PPP1R1C: variants seen among roughly 807,000 people sequenced by gnomAD.
The protein encoded by PPP1R1C is protein phosphatase 1 regulatory inhibitor subunit 1C.
In PPP1R1C, 15 loss-of-function variants were observed where a neutral mutation model predicts 17.4. That is an observed-to-expected ratio of 0.86 (90% confidence interval 0.58 to 1.33). PPP1R1C has a LOEUF of 1.33. PPP1R1C is among the 40% of genes most tolerant of loss of function. PPP1R1C has a pLI of 0.00. For missense variants in PPP1R1C, 143 were observed against 130.0 expected (o/e 1.10, Z -0.48); for synonymous variants, 35 against 43.1 (o/e 0.81, Z 0.73).
Position 182,079,429 on chromosome 2 carries a change from T to C in PPP1R1C, c.241+15638T>C, listed in dbSNP as rs138952636. 6.3e-3 allele frequency among the ~76,000 whole-genome samples: 956 copies of C among 152,324 alleles called. 9 individuals carry two copies. Among genetic ancestry groups the C allele is most frequent in the Non-Finnish European group, 6.1e-3 (415 of 68,024 alleles). ...CCCTATACACAGGTTAGGTCATTCT[T>C]TATTATCAGGTAATAAAAAATAATA... On this transcript the variant is annotated intron_variant, in intron 4 of 4. Coordinates refer to ENST00000682840, the MANE Select transcript of PPP1R1C (RefSeq NM_001080545.3).
intron 2 of PPP1R1C, among the ~76,000 whole-genome samples, chr2:181,989,918 A>G (rs1280449151): frequency 6.6e-6 from 1 of 152,170 alleles, no homozygotes; most frequent in Non-Finnish European, 1.5e-5. Context: ...GAGATTTTGG[A>G]CTAGTGATGG....
chr2:182,035,089 G>A (rs575265108), intron 2 of PPP1R1C, among the ~76,000 whole-genome samples: 1 of 152,216 alleles, frequency 6.6e-6, no homozygotes, highest in South Asian at 2.1e-4. Context: ...GGAATGGGAA[G>A]TGACTGTATG....
At chr2:182,033,669 C>T (rs896433884) in intron 2 of PPP1R1C, among the ~76,000 whole-genome samples, 3 of 152,186 alleles carry the variant, frequency 2.0e-5, no homozygotes, top group African/African-American at 2.4e-5. Context: ...CCAACTTTGC[C>T]GTTACCCTTC....
At chr2:182,126,766 C>T (rs1299055870) in intron 5 of PPP1R1C, among the ~76,000 whole-genome samples, 1 of 151,952 alleles carries the variant, frequency 6.6e-6, no homozygotes, top group Non-Finnish European at 1.5e-5. Context: ...GCCACTTCCC[C>T]TACTGAATAT....
chr2:182,063,941 T>C (rs765907881), intron 4 of PPP1R1C, 150 bp downstream of exon 4: 2 of 560,768 alleles, frequency 3.6e-6, no homozygotes, highest in Non-Finnish European at 3.2e-6. Flanking sequence ...ATATCTTATC[T>C]ACTTAAAACT....
rs755591243 is a variant in PPP1R1C at position 181,957,249 on chromosome 2, A to G, written n.111+2615A>G. Among the ~76,000 whole-genome samples the G allele has an allele frequency of 6.6e-6, 1 of 152,184 alleles. No homozygotes were observed. Among genetic ancestry groups the G allele is most frequent in the Non-Finnish European group, 1.5e-5 (1 of 68,038 alleles). ...GTAGTGCACCCCTGTAATCCCAGCT[A>G]TTCAGGAGGCTGAGGCAGAATTGCT... On this transcript the variant is annotated intron_variant and non_coding_transcript_variant, in intron 1 of 5. Coordinates refer to the PPP1R1C transcript ENST00000464264. The surrounding 1 kb of genome is among the most constrained non-coding windows in gnomAD (Gnocchi z 4.2).
intron 2 of PPP1R1C, among the ~76,000 whole-genome samples, chr2:181,975,774 A>G (rs2125135201): frequency 6.6e-6 from 1 of 152,166 alleles, no homozygotes; most frequent in South Asian, 2.1e-4. Flanking sequence ...CTGTGTACCT[A>G]TAATATTGCT....
chr2:182,002,250 T>G (rs1685788457), intron 2 of PPP1R1C, among the ~76,000 whole-genome samples: 1 of 152,094 alleles, frequency 6.6e-6, no homozygotes, highest in South Asian at 2.1e-4. Context: ...AGTTTGCAAT[T>G]GTCTCATTGT....
At chr2:181,996,013 C>T (rs1345276969) in intron 2 of PPP1R1C, among the ~76,000 whole-genome samples, 2 of 152,148 alleles carry the variant, frequency 1.3e-5, no homozygotes, top group Non-Finnish European at 2.9e-5. Flanking sequence ...TTGGAGAACA[C>T]AAGCTCCATC....
chr2:182,105,093 G>A (rs1367103524), intron 4 of PPP1R1C, among the ~76,000 whole-genome samples: 1 of 152,110 alleles, frequency 6.6e-6, no homozygotes, highest in African/African-American at 2.4e-5. Flanking sequence ...AAAAAATGAA[G>A]GTTGAATCTT....
At chr2:182,014,508 C>A (rs797019963) in intron 2 of PPP1R1C, among the ~76,000 whole-genome samples, 3 of 151,806 alleles carry the variant, frequency 2.0e-5, no homozygotes, top group Non-Finnish European at 4.4e-5. Flanking sequence ...AGCACAGCAC[C>A]GAGTCTTGCC....
At chr2:182,103,453 T>TA (rs1223781614) in intron 4 of PPP1R1C, 1 of 152,174 alleles carries the variant, frequency 6.6e-6, no homozygotes, top group African/African-American at 2.4e-5. Flanking sequence ...TGGAGTTTGT[T>TA]AAAATCTATG....
chr2:181,987,009 G>C (rs956090514), intron 1 of PPP1R1C, among the ~76,000 whole-genome samples: 5 of 152,138 alleles, frequency 3.3e-5, no homozygotes. Context: ...GTGACTCATA[G>C]TGTTTCAGGA....
intron 4 of PPP1R1C, among the ~76,000 whole-genome samples, chr2:182,068,205 T>C (rs1170239716): frequency 6.6e-6 from 1 of 152,118 alleles, no homozygotes; most frequent in Non-Finnish European, 1.5e-5. Flanking sequence ...ATGGGGAAAA[T>C]GAAAGTGTTG....
intron 2 of PPP1R1C, among the ~76,000 whole-genome samples, chr2:182,060,842 G>A (rs989645879): frequency 4.6e-5 from 7 of 152,064 alleles, no homozygotes; most frequent in African/African-American, 1.7e-4. Flanking sequence ...TTCCTGCTGT[G>A]GAAGGGGCAT....
At chr2:182,036,087 CA>C (rs1225265165) in intron 2 of PPP1R1C, among the ~76,000 whole-genome samples, 1 of 152,122 alleles carries the variant, frequency 6.6e-6, no homozygotes, top group Non-Finnish European at 1.5e-5. Context: ...GTCCTTTCAA[CA>C]AAGTGAGTTA....
At chr2:181,981,941 A>G (rs1226103082), upstream of PPP1R1C, among the ~76,000 whole-genome samples, 3 of 152,202 alleles carry the variant, frequency 2.0e-5, no homozygotes, top group East Asian at 1.9e-4. Context: ...CCAGCATTTA[A>G]TGTAGTCATG....
intron 4 of PPP1R1C, among the ~76,000 whole-genome samples, chr2:182,074,002 G>T (rs1257162505): frequency 2.0e-5 from 3 of 151,752 alleles, no homozygotes; most frequent in Non-Finnish European, 4.4e-5. Flanking sequence ...GAAGATTTGG[G>T]ACCAGGGCAA....
intron 2 of PPP1R1C, among the ~76,000 whole-genome samples, chr2:182,030,090 T>G (rs1686767502): frequency 7.6e-6 from 1 of 131,560 alleles, no homozygotes; most frequent in East Asian, 2.2e-4. Context: ...TTCTCTGTAT[T>G]GGTTATTCTA....
Sources: gnomAD v4.1 joint callset for allele counts (sites outside exome capture counted in the v4.1 genomes callset) on GRCh38, gnomAD v4.1.1 for gene constraint, Gnocchi (gnomAD v3.1) non-coding constraint, MANE v1.5 for transcripts, NCBI Gene and HGNC (gene_info 2026-07-23, HGNC 2026-07-21) for gene names.